The following ITPRID2 variants were observed in gnomAD, a reference collection of about 807,000 sequenced individuals.
ITPRID2 encodes the protein ITPR interacting domain containing 2, also known as protein ITPRID2.
ITPRID2 carries 60 observed loss-of-function variants against 124.3 expected under a neutral mutation model. The ratio of observed to expected loss-of-function variants is 0.48; its 90% CI spans 0.39 to 0.60. The LOEUF (loss-of-function observed/expected upper bound fraction) is 0.60, where lower values mean the gene tolerates loss of function less well. ITPRID2 is among the 20% of genes least tolerant of loss of function. ITPRID2 has a pLI of 0.00. For missense variants in ITPRID2, 1,553 were observed against 1,512.2 expected (o/e 1.03, Z -0.45); for synonymous variants, 521 against 542.9 (o/e 0.96, Z 0.56).
At position 181,892,413 on chromosome 2, in the gene ITPRID2, C is replaced by A; in HGVS notation, c.211+136C>A. On this transcript the variant is annotated intron_variant, in intron 1 of 17. Coordinates refer to ENST00000431877, the MANE Select transcript of ITPRID2 (RefSeq NM_001130445.3). This position sits in a 1 kb window ranked among gnomAD's most constrained non-coding sequence, Gnocchi z 5.2. ...GGGGAGAGGGGACACTTCCGACCTT[C>A]AAACGCGCGCGCTGAACGAGGCGCC... is the stretch of plus-strand genomic sequence containing the variant. The A allele has an allele frequency of 8.3e-7, 1 of 1,198,606 alleles. No individual in the cohort carries two copies. Among genetic ancestry groups the A allele is most frequent in the Non-Finnish European group, 1.2e-6 (1 of 862,750 alleles). 74.2% of individuals were successfully genotyped at this position (1,198,606 alleles called of 1,614,324 possible).
intron 2 of ITPRID2, among the ~76,000 whole-genome samples, chr2:181,895,774 T>C (rs542295944): frequency 1.3e-5 from 2 of 152,174 alleles, no homozygotes; most frequent in African/African-American, 4.8e-5. Flanking sequence ...CATTTGTCAT[T>C]GCCATTTTTG....
intron 9 of ITPRID2, 50 bp from the exon 10 acceptor site, chr2:181,913,795 T>C (rs1693815167): frequency 1.4e-6 from 2 of 1,388,360 alleles, no homozygotes; most frequent in Admixed American, 2.0e-5. Context: ...TAGCCACTTT[T>C]TTTATTTATA....
intron 4 of ITPRID2, among the ~76,000 whole-genome samples, chr2:181,898,648 A>C (rs1290394739): frequency 6.6e-6 from 1 of 152,080 alleles, no homozygotes; most frequent in Non-Finnish European, 1.5e-5. Context: ...AAGTGAGAGT[A>C]GTTAGTTTCA....
rs1042891004 is a variant in ITPRID2 at position 181,928,877 on chromosome 2, C to G, written c.*13+599C>G. On this transcript the variant is annotated intron_variant, in intron 17 of 17. Transcript: ENST00000431877. ...TCCTGACCTCGTGATCCGCCCGCCT[C>G]GGCCTCCCAAAGTGCTGGGATTACA... is the stretch of plus-strand genomic sequence containing the variant. 2.4e-4 allele frequency among the ~76,000 whole-genome samples: 37 copies of G among 152,204 alleles called. 1 individual carries two copies. In the Middle Eastern group the frequency reaches 0.01, roughly 42 times the overall value.
At position 181,892,269 on chromosome 2, in the gene ITPRID2, G is replaced by C. The variant is rs905411595; in HGVS notation, c.203G>C (p.Gly68Ala). ...CCCGGCGCGCAGCTGCCGGCAGCGG[G>C]GGGAAGAGGTCGGTGCTCCCGGCCG... ...DLPGAQLPAAGGRGNVPNEKI... is the reference protein window; with the variant it reads ...DLPGAQLPAAAGRGNVPNEKI... The change falls in exon 1 of 18, where the codon GGG (glycine) becomes GCG (alanine). Residue 68 changes from glycine (G) to alanine (A), a missense_variant. Physicochemically the swap from Gly to Ala is moderately conservative, Grantham distance 60 (BLOSUM62 0). Coordinates refer to ENST00000431877, the MANE Select transcript of ITPRID2 (RefSeq NM_001130445.3). The surrounding 1 kb of genome is among the most constrained non-coding windows in gnomAD (Gnocchi z 5.2). 3.8e-5 allele frequency: 59 copies of C among 1,547,670 alleles called. No individual in the cohort carries two copies. Among genetic ancestry groups the C allele is most frequent in the Non-Finnish European group, 4.9e-5 (56 of 1,145,872 alleles).
intron 9 of ITPRID2, among the ~76,000 whole-genome samples, chr2:181,913,303 G>A (rs1457420634): frequency 6.6e-6 from 1 of 152,026 alleles, no homozygotes; most frequent in African/African-American, 2.4e-5. Context: ...TCCTAACCTC[G>A]TGATCCGCCC....
intron 6 of ITPRID2, 33 bp downstream of exon 6, chr2:181,899,145 T>C (rs1405142743): frequency 3.4e-6 from 5 of 1,468,256 alleles, no homozygotes; most frequent in East Asian, 4.5e-5. Context: ...TGGAATTACA[T>C]TGTGCTATAG....
chr2:181,912,716 C>G (rs1693699411), intron 9 of ITPRID2, among the ~76,000 whole-genome samples: 1 of 152,034 alleles, frequency 6.6e-6, no homozygotes, highest in South Asian at 2.1e-4. Context: ...GAAGCTTCTG[C>G]CTTGATGAAT....
At chr2:181,928,053 GAA>G (rs1385178513) in intron 16 of ITPRID2, 106 bp from the exon 17 acceptor site, 6 of 695,700 alleles carry the variant, frequency 8.6e-6, no homozygotes, top group Admixed American at 8.5e-5. Context: ...AGATTCACAT[GAA>G]GGTGAAATTA....
At position 181,896,920 on chromosome 2, in the gene ITPRID2, G is replaced by A. The variant is rs761252584; in HGVS notation, c.320G>A (p.Arg107Lys). The change falls in exon 4 of 18, where the codon AGA becomes AAA. Residue 107 changes from arginine (R) to lysine (K), a missense_variant. By Grantham distance (26) the Arg-to-Lys change is conservative. Transcript: ENST00000431877. The surrounding 1 kb of genome is among the most constrained non-coding windows in gnomAD (Gnocchi z 4.3). ...SSSTLKGVLV[R>K]NGGSFEDDLS... ...ATGTGTCTTTCAGGTGTGCTTGTGAGAAATGGAGGAAGTTTTGAAGATGAT... is the reference window on the plus strand; with the variant it reads ...ATGTGTCTTTCAGGTGTGCTTGTGAAAAATGGAGGAAGTTTTGAAGATGAT... 2.5e-6 allele frequency: 4 copies of A among 1,612,668 alleles called. No homozygotes were observed. Among genetic ancestry groups the A allele is most frequent in the Non-Finnish European group, 3.4e-6 (4 of 1,178,976 alleles).
Position 181,905,940 on chromosome 2 carries a change from G to A in ITPRID2, c.1413+3474G>A, listed in dbSNP as rs999812980. On this transcript the variant is annotated intron_variant, in intron 8 of 17. Coordinates refer to ENST00000431877, the MANE Select transcript of ITPRID2 (RefSeq NM_001130445.3). The surrounding 1 kb of genome is among the most constrained non-coding windows in gnomAD (Gnocchi z 4.1). ...GAATATGAACTCTAACATATGACAT[G>A]CACAGATATCTGCTACTCTAAAGCC... Among the ~76,000 whole-genome samples, 17 of 152,134 alleles carry A rather than the reference G, an allele frequency of 1.1e-4. No individual in the cohort carries two copies. Among genetic ancestry groups the A allele is most frequent in the African/African-American group, 3.9e-4 (16 of 41,430 alleles).
rs1204640271 is a variant in ITPRID2 at position 181,907,554 on chromosome 2, T to C, written c.1414-2345T>C. ...GAACACCCATTACTCATCATTCTAA[T>C]TCAGTTTTATTTGGCTATTCTTGTT... On this transcript the variant is annotated intron_variant, in intron 8 of 17. Transcript: ENST00000431877. This position sits in a 1 kb window ranked among gnomAD's most constrained non-coding sequence, Gnocchi z 5.1. 1.3e-5 allele frequency among the ~76,000 whole-genome samples: 2 copies of C among 152,162 alleles called. No homozygotes were observed. The highest frequency in any genetic ancestry group is 2.9e-5 in the Non-Finnish European group (2 of 68,024).
At chr2:181,912,666 C>T (rs903725774) in intron 9 of ITPRID2, among the ~76,000 whole-genome samples, 1 of 152,040 alleles carries the variant, frequency 6.6e-6, no homozygotes. Flanking sequence ...CTTTATTTAG[C>T]CTTTTGCTTT....
intron 8 of ITPRID2, among the ~76,000 whole-genome samples, chr2:181,904,667 TTTC>T (rs1364771352): frequency 6.6e-6 from 1 of 152,232 alleles, no homozygotes; most frequent in Non-Finnish European, 1.5e-5. Flanking sequence ...TGCTGGGAAT[TTTC>T]TTCTTGTGAA....
At position 181,907,992 on chromosome 2, in the gene ITPRID2, T is replaced by C. The variant is rs538952360; in HGVS notation, c.1414-1907T>C. Among the ~76,000 whole-genome samples, 2 of 152,352 alleles carry C rather than the reference T, an allele frequency of 1.3e-5. No individual in the cohort carries two copies. Among genetic ancestry groups the C allele is most frequent in the South Asian group, 2.1e-4 (1 of 4,824 alleles). On this transcript the variant is annotated intron_variant, in intron 8 of 17. Coordinates refer to ENST00000431877, the MANE Select transcript of ITPRID2 (RefSeq NM_001130445.3). The surrounding 1 kb of genome is among the most constrained non-coding windows in gnomAD (Gnocchi z 5.1). Reference sequence around the variant, plus strand: ...AGTAGCATCTTGAAGAATAGAATGCTGATGATATGTGTTTATTAAAGTCAT... The same window carrying C: ...AGTAGCATCTTGAAGAATAGAATGCCGATGATATGTGTTTATTAAAGTCAT...
At chr2:181,923,654 A>T (rs976416516) in intron 16 of ITPRID2, among the ~76,000 whole-genome samples, 1 of 151,992 alleles carries the variant, frequency 6.6e-6, no homozygotes, top group African/African-American at 2.4e-5. Context: ...TATATTTGCT[A>T]ACTGAGGAAG....
chr2:181,891,946 G>C lies in ITPRID2; in HGVS notation c.-121G>C. The C allele has an allele frequency of 2.0e-6, 1 of 492,558 alleles. No homozygotes were observed. Among genetic ancestry groups the C allele is most frequent in the Admixed American group, 4.2e-5 (1 of 23,566 alleles). 30.5% of individuals were successfully genotyped at this position (492,558 alleles called of 1,614,324 possible). A position where few individuals can be genotyped will look rare whatever the true frequency, so the allele number is the denominator to read the frequency against. ...CTCCTCCTCCTCCTCCTCCTCCGGCGCCCGCTTCAGCTCCCCGGGGCCCCC... is the reference window on the plus strand; with the variant it reads ...CTCCTCCTCCTCCTCCTCCTCCGGCCCCCGCTTCAGCTCCCCGGGGCCCCC... On this transcript the variant is annotated 5_prime_UTR_variant, in exon 1 of 18. Coordinates refer to ENST00000431877, the MANE Select transcript of ITPRID2 (RefSeq NM_001130445.3).
chr2:181,903,807 G>A (rs1400399020), intron 8 of ITPRID2, among the ~76,000 whole-genome samples: 1 of 151,976 alleles, frequency 6.6e-6, no homozygotes, highest in Non-Finnish European at 1.5e-5. Flanking sequence ...ACCTCTGTTT[G>A]TTCTTTTTCA....
Position 181,929,594 on chromosome 2 carries a change from GAAT to G in ITPRID2, c.*48_*50del. The stretch of plus-strand genomic sequence containing the variant: ...GGATCCTATTAGCTGTGTAATACTG[GAAT>G]TATCAATGATATGCACTGGTGGAGG... On this transcript the variant is annotated 3_prime_UTR_variant, in exon 18 of 18. Transcript: ENST00000431877. The G allele has an allele frequency of 6.2e-7, 1 of 1,612,966 alleles. No individual in the cohort carries two copies. Among genetic ancestry groups the G allele is most frequent in the South Asian group, 1.1e-5 (1 of 91,004 alleles).
Sources: allele counts gnomAD v4.1 joint callset (sites outside exome capture counted in the v4.1 genomes callset), GRCh38; gene constraint gnomAD v4.1.1; non-coding constraint Gnocchi (gnomAD v3.1); transcripts MANE v1.5; gene names NCBI Gene and HGNC (gene_info 2026-07-23, HGNC 2026-07-21).